Variants in CABLES1 observed in about 807,000 individuals in gnomAD.
CABLES1 encodes the protein CDK5 and ABL1 enzyme substrate 1.
Under a neutral mutation model 57.8 loss-of-function variants are expected in CABLES1, and 36 were observed. The observed-to-expected ratio is 0.62, with a 90% confidence interval of 0.48 to 0.82. CABLES1 has a LOEUF of 0.82. Among genes scored for constraint, CABLES1 ranks in the 40% least tolerant of loss-of-function variants. The pLI, the probability that CABLES1 is intolerant of heterozygous loss-of-function variation, is 0.00. For missense variants in CABLES1, 767 were observed against 836.6 expected, an observed-to-expected ratio of 0.92 and a Z score of 1.03; for synonymous variants, 374 against 363.0, an observed-to-expected ratio of 1.03 and a Z score of -0.35.
At chr18:23,220,700 C>T (rs982523751) in intron 4 of CABLES1, among the ~76,000 whole-genome samples, 4 of 152,242 alleles carry the variant, frequency 2.6e-5, no homozygotes, top group East Asian at 3.9e-4. Flanking sequence ...GTGCCACACA[C>T]GGGCTGCCCT....
intron 4 of CABLES1, among the ~76,000 whole-genome samples, chr18:23,234,187 C>T (rs185767982): frequency 6.6e-6 from 1 of 152,334 alleles, no homozygotes; most frequent in Admixed American, 6.5e-5. Context: ...CATTGCATTG[C>T]AGCCTGGGCA....
At chr18:23,185,367 G>C (rs2047195195) in intron 1 of CABLES1, among the ~76,000 whole-genome samples, 1 of 152,200 alleles carries the variant, frequency 6.6e-6, no homozygotes, top group Admixed American at 6.5e-5. Flanking sequence ...AGGGGCTTCA[G>C]AGACTGTTAA....
At chr18:23,169,268 CT>C (rs2047065880) in intron 1 of CABLES1, among the ~76,000 whole-genome samples, 1 of 152,208 alleles carries the variant, frequency 6.6e-6, no homozygotes, top group African/African-American at 2.4e-5. Context: ...GCCCTCAGGG[CT>C]GCTCTGTGTA....
At chr18:23,205,790 T>A (rs2047358952) in intron 3 of CABLES1, among the ~76,000 whole-genome samples, 1 of 152,084 alleles carries the variant, frequency 6.6e-6, no homozygotes, top group Non-Finnish European at 1.5e-5. Flanking sequence ...GCACAGGAGT[T>A]CAAGGCAGCA....
chr18:23,257,027 G>GGGAAAGGAGCAGCTCCTTCACAACCA, intron 9 of CABLES1, 200 bp from the exon 10 acceptor site: 1 of 588,082 alleles, frequency 1.7e-6, no homozygotes, highest in South Asian at 2.2e-5. Flanking sequence ...GCAGCCCCTC[G>GGGAAAGGAGCAGCTCCTTCACAACCA]GGAAAGGAGC....
At chr18:23,166,883 C>T (rs766985982) in intron 1 of CABLES1, among the ~76,000 whole-genome samples, 28 of 152,188 alleles carry the variant, frequency 1.8e-4, no homozygotes, top group Non-Finnish European at 3.4e-4. Context: ...CAGGGTGGCT[C>T]CTCATCAGAA....
chr18:23,207,994 TC>T (rs1195942104), intron 3 of CABLES1, among the ~76,000 whole-genome samples: 11 of 152,148 alleles, frequency 7.2e-5, no homozygotes, highest in Non-Finnish European at 1.5e-4. Flanking sequence ...GTTCCCTGGC[TC>T]CAGATGCCCT....
chr18:23,199,785 A>G (rs552979311), intron 3 of CABLES1, among the ~76,000 whole-genome samples: 1 of 152,344 alleles, frequency 6.6e-6, no homozygotes, highest in Non-Finnish European at 1.5e-5. Flanking sequence ...AACATTGTGC[A>G]TGTACTTAAT....
intron 7 of CABLES1, among the ~76,000 whole-genome samples, chr18:23,247,442 G>A (rs1411824131): frequency 6.6e-6 from 1 of 152,244 alleles, no homozygotes; most frequent in Non-Finnish European, 1.5e-5. Context: ...TATGTGCTGG[G>A]CCCCTTCCAA....
chr18:23,136,937 G>C (rs1255336511), intron 1 of CABLES1, among the ~76,000 whole-genome samples: 1 of 152,194 alleles, frequency 6.6e-6, no homozygotes, highest in Non-Finnish European at 1.5e-5. Flanking sequence ...CCTGAAACCC[G>C]GTCCAGACCC....
chr18:23,179,595 G>C (rs993450301), intron 1 of CABLES1, among the ~76,000 whole-genome samples: 1 of 152,226 alleles, frequency 6.6e-6, no homozygotes, highest in Non-Finnish European at 1.5e-5. Context: ...CTGGTGACCT[G>C]GCCCGGCCAG....
At chr18:23,184,833 G>C (rs1027056525) in intron 1 of CABLES1, among the ~76,000 whole-genome samples, 2 of 152,218 alleles carry the variant, frequency 1.3e-5, no homozygotes, top group African/African-American at 4.8e-5. Context: ...CCAACTTGTA[G>C]TGTCCTCACA....
chr18:23,251,961 C>G (rs1286039532), intron 7 of CABLES1, among the ~76,000 whole-genome samples: 1 of 152,016 alleles, frequency 6.6e-6, no homozygotes, highest in Non-Finnish European at 1.5e-5. Flanking sequence ...TGGTGGGCGC[C>G]TGTATTTCCA....
At chr18:23,170,405 C>T (rs1459303185) in intron 1 of CABLES1, among the ~76,000 whole-genome samples, 1 of 152,196 alleles carries the variant, frequency 6.6e-6, no homozygotes, top group African/African-American at 2.4e-5. Flanking sequence ...TCCACACCTG[C>T]CCTCTGGCTT....
chr18:23,163,872 T>C (rs1239951146), intron 1 of CABLES1, among the ~76,000 whole-genome samples: 1 of 152,218 alleles, frequency 6.6e-6, no homozygotes, highest in Non-Finnish European at 1.5e-5. Flanking sequence ...TGTTCATTAG[T>C]ATTTTAAAAG....
In CABLES1 at chr18:23,150,418, G is replaced by A. The variant is rs557179795; in HGVS notation, c.845+13811G>A. ...TATTTAGTAGAGATGGGGTTTCACT[G>A]TGTTAGCCAGGATGGTCTCAATCTC... On this transcript the variant is annotated intron_variant, in intron 1 of 9. Coordinates refer to ENST00000256925, the MANE Select transcript of CABLES1 (RefSeq NM_001100619.3). 2.6e-5 allele frequency among the ~76,000 whole-genome samples: 4 copies of A among 152,076 alleles called. No homozygotes were observed. The East Asian group carries it at 5.8e-4, about 22-fold the overall frequency.
chr18:23,234,773 G>C, intron 5 of CABLES1, 69 bp downstream of exon 5: 3 of 1,275,762 alleles, frequency 2.4e-6, no homozygotes, highest in Non-Finnish European at 3.4e-6. Context: ...AGAGGAGGGG[G>C]GCAGCCCACA....
intron 1 of CABLES1, among the ~76,000 whole-genome samples, chr18:23,157,309 A>T (rs2046972215): frequency 6.6e-6 from 1 of 152,184 alleles, no homozygotes; most frequent in African/African-American, 2.4e-5. Context: ...GATAATGAGG[A>T]TCAGCTGTAC....
intron 2 of CABLES1, among the ~76,000 whole-genome samples, chr18:23,191,080 CAAAAA>C (rs10636287): frequency 1.1e-3 from 69 of 63,588 alleles, no homozygotes; most frequent in African/African-American, 3.4e-3. Context: ...CCCATCTCTA[CAAAAA>C]AAAAAAAAAA....
Sources: allele counts gnomAD v4.1 joint callset (sites outside exome capture counted in the v4.1 genomes callset), GRCh38; gene constraint gnomAD v4.1.1; transcripts MANE v1.5; gene names NCBI Gene and HGNC (gene_info 2026-07-23, HGNC 2026-07-21).